The following FRMD4B variants were observed in gnomAD, a reference collection of about 807,000 sequenced individuals.
FRMD4B encodes the protein FERM domain containing 4B.
FRMD4B carries 74 observed loss-of-function variants against 141.5 expected under a neutral mutation model. The ratio of observed to expected loss-of-function variants is 0.52; its 90% confidence interval spans 0.43 to 0.63. The LOEUF (loss-of-function observed/expected upper bound fraction) is 0.63. Ranked by LOEUF, FRMD4B falls within the 30% of genes least tolerant of loss-of-function variation. The pLI is 0.00. For missense variants in FRMD4B, 1,366 were observed against 1,253.4 expected, an observed-to-expected ratio of 1.09 and a Z score of -1.36; for synonymous variants, 506 against 467.9, an observed-to-expected ratio of 1.08 and a Z score of -1.05.
At chr3:69,426,472 G>C (rs1468849503) in intron 2 of FRMD4B, among the ~76,000 whole-genome samples, 1 of 152,118 alleles carries the variant, frequency 6.6e-6, no homozygotes, top group Non-Finnish European at 1.5e-5. Flanking sequence ...CAACCTATTG[G>C]TAATGCCTGC....
chr3:69,195,503 G>T (rs2092893501), intron 14 of FRMD4B, 139 bp from the exon 15 acceptor site: 2 of 673,854 alleles, frequency 3.0e-6, no homozygotes, highest in Non-Finnish European at 4.6e-6. Context: ...CATAATAAAA[G>T]GAAACTGGAA....
At chr3:69,540,500 G>A (rs1241613210) in intron 1 of FRMD4B, among the ~76,000 whole-genome samples, 1 of 149,204 alleles carries the variant, frequency 6.7e-6, no homozygotes, top group African/African-American at 2.5e-5. Context: ...TGTAATCCCA[G>A]CTACTCGGGA....
At chr3:69,336,993 A>C in intron 1 of FRMD4B, among the ~76,000 whole-genome samples, 1 of 152,142 alleles carries the variant, frequency 6.6e-6, no homozygotes, top group Admixed American at 6.6e-5. Flanking sequence ...AATCAACCTA[A>C]ATGTCCATTA....
intron 1 of FRMD4B, among the ~76,000 whole-genome samples, chr3:69,530,811 C>G (rs369788089): frequency 6.6e-6 from 1 of 152,174 alleles, no homozygotes; most frequent in African/African-American, 2.4e-5. Context: ...GAAACGGCAA[C>G]CGTGCAGATG....
At chr3:69,285,404 A>AC (rs1346561079) in intron 5 of FRMD4B, among the ~76,000 whole-genome samples, 1 of 151,854 alleles carries the variant, frequency 6.6e-6, no homozygotes, top group East Asian at 1.9e-4. Context: ...GGCCAAAAAA[A>AC]AAAAAAAAAA....
In FRMD4B at chr3:69,303,532, T is replaced by A. The variant is rs145711545; in HGVS notation, c.324-1097A>T. On this transcript the variant is annotated intron_variant, in intron 3 of 22. Transcript: ENST00000398540. ...AAAAAACTGATAACACTAGTTGACT[T>A]TTGAGGTAAAAAACTAGGCCATATG... Among the ~76,000 whole-genome samples, 349 of 152,274 alleles carry A rather than the reference T, an allele frequency of 2.3e-3. 2 individuals carry two copies. Among genetic ancestry groups the A allele is most frequent in the African/African-American group, 7.9e-3 (327 of 41,556 alleles).
At chr3:69,311,508 A>G (rs897319407) in intron 2 of FRMD4B, among the ~76,000 whole-genome samples, 151 bp from the exon 3 acceptor site, 8 of 152,178 alleles carry the variant, frequency 5.3e-5, no homozygotes, top group Non-Finnish European at 4.4e-5. Flanking sequence ...TTGATGTACT[A>G]TAGACAATTC....
At chr3:69,328,498 G>C (rs1404087029) in intron 1 of FRMD4B, among the ~76,000 whole-genome samples, 1 of 152,160 alleles carries the variant, frequency 6.6e-6, no homozygotes, top group Non-Finnish European at 1.5e-5. Flanking sequence ...ATAAGGCTGA[G>C]ACCTACTGGG....
At chr3:69,314,770 G>A (rs1428824978) in intron 1 of FRMD4B, among the ~76,000 whole-genome samples, 3 of 152,146 alleles carry the variant, frequency 2.0e-5, no homozygotes, top group African/African-American at 7.2e-5. Context: ...GGGAGGTTGA[G>A]GTTGCAGTAA....
chr3:69,392,379 C>T (rs143768801), intron 2 of FRMD4B, among the ~76,000 whole-genome samples: 144 of 152,158 alleles, frequency 9.5e-4, no homozygotes, highest in African/African-American at 3.3e-3. Flanking sequence ...AGGCTGAGTA[C>T]GGGAGAATCA....
intron 7 of FRMD4B, among the ~76,000 whole-genome samples, chr3:69,229,579 T>C (rs770288669): frequency 6.6e-6 from 1 of 152,200 alleles, no homozygotes; most frequent in Non-Finnish European, 1.5e-5. Flanking sequence ...GAAAGACGAC[T>C]GACACAGATA....
chr3:69,219,346 G>T (rs2093171801), intron 9 of FRMD4B, among the ~76,000 whole-genome samples: 1 of 151,652 alleles, frequency 6.6e-6, no homozygotes, highest in South Asian at 2.1e-4. Flanking sequence ...ACTTTTTAAT[G>T]ACATTTTGAT....
In FRMD4B at chr3:69,170,180, C is replaced by G. The variant is rs1427899258; in HGVS notation, c.*1681G>C. On this transcript the variant is annotated 3_prime_UTR_variant, in exon 23 of 23. Coordinates refer to ENST00000398540, the MANE Select transcript of FRMD4B (RefSeq NM_015123.3). Reference sequence around the variant, plus strand: ...TAATACTATAAATAAAAATCCGAAGCCTTGCCCAATATGATTACTTGAAGT... The same window carrying G: ...TAATACTATAAATAAAAATCCGAAGGCTTGCCCAATATGATTACTTGAAGT... 6.6e-6 allele frequency: 1 copy of G among 152,126 alleles called. No individual in the cohort carries two copies. Among genetic ancestry groups the G allele is most frequent in the African/African-American group, 2.4e-5 (1 of 41,432 alleles). 9.4% of individuals were successfully genotyped at this position (152,126 alleles called of 1,614,324 possible).
chr3:69,372,758 C>T (rs1319882128), intron 1 of FRMD4B, among the ~76,000 whole-genome samples: 2 of 152,140 alleles, frequency 1.3e-5, no homozygotes, highest in Admixed American at 6.5e-5. Context: ...TATTATGGTC[C>T]ACTCTTTTTA....
At chr3:69,303,889 C>G (rs549246743) in intron 3 of FRMD4B, among the ~76,000 whole-genome samples, 1 of 152,194 alleles carries the variant, frequency 6.6e-6, no homozygotes, top group East Asian at 1.9e-4. Flanking sequence ...GAGCCGTGAT[C>G]ATGCCACTGC....
intron 1 of FRMD4B, among the ~76,000 whole-genome samples, chr3:69,369,966 T>A (rs1297698611): frequency 6.6e-6 from 1 of 152,200 alleles, no homozygotes; most frequent in Non-Finnish European, 1.5e-5. Flanking sequence ...GCAGCTCTTG[T>A]AACTTAAAGA....
In FRMD4B at chr3:69,301,922, C is replaced by G. The variant is rs1406509143; in HGVS notation, c.416+421G>C. On this transcript the variant is annotated intron_variant, in intron 4 of 22. Transcript: ENST00000398540. Reference sequence around the variant, plus strand: ...TTAAGGCATCAAATTGTACAGAATTCAATTATTTTTAAGTCTGTAGAAAAC... The same window carrying G: ...TTAAGGCATCAAATTGTACAGAATTGAATTATTTTTAAGTCTGTAGAAAAC... Among the ~76,000 whole-genome samples the G allele has an allele frequency of 2.0e-5, 3 of 152,236 alleles. No homozygotes were observed. In the East Asian group the frequency reaches 5.8e-4, roughly 29 times the overall value.
chr3:69,193,140 C>T (rs1349116003), intron 17 of FRMD4B, among the ~76,000 whole-genome samples: 1 of 151,968 alleles, frequency 6.6e-6, no homozygotes. Flanking sequence ...CTTTAAATAG[C>T]CTTCACAAAT....
chr3:69,348,035 A>G (rs949894327), intron 1 of FRMD4B, among the ~76,000 whole-genome samples: 4 of 152,200 alleles, frequency 2.6e-5, no homozygotes, highest in Admixed American at 6.5e-5. Flanking sequence ...AAAATCAATG[A>G]ATCCAGGAGC....
Sources: gnomAD v4.1 joint callset for allele counts (sites outside exome capture counted in the v4.1 genomes callset) on GRCh38, gnomAD v4.1.1 for gene constraint, MANE v1.5 for transcripts, NCBI Gene and HGNC (gene_info 2026-07-23, HGNC 2026-07-21) for gene names.